The following SOX13 variants were observed in gnomAD, a reference collection of about 807,000 sequenced individuals.
The protein encoded by SOX13 is transcription factor SOX-13.
Under a neutral mutation model 71.8 loss-of-function variants are expected in SOX13, and 28 were observed. That is an observed-to-expected ratio of 0.39 (90% confidence interval 0.29 to 0.53). The LOEUF is 0.53. Among genes scored for constraint, SOX13 ranks in the 20% least tolerant of loss-of-function variants. SOX13 has a pLI of 0.70. For synonymous variants in SOX13, 309 were observed against 317.8 expected, an observed-to-expected ratio of 0.97 and a Z score of 0.29; for missense variants, 627 against 810.3, an observed-to-expected ratio of 0.77 and a Z score of 2.75.
Position 204,114,957 on chromosome 1 carries a change from T to A in SOX13, c.418+352T>A, listed in dbSNP as rs74386915. On this transcript the variant is annotated intron_variant, in intron 4 of 13. Coordinates refer to ENST00000367204, the MANE Select transcript of SOX13 (RefSeq NM_005686.3). ...TAATTAATTCTAGGTCAGTTGGACC[T>A]CACTAAGTGAGTGAAAAGTAGTTAC... Among the ~76,000 whole-genome samples, 556 of 152,116 alleles carry A rather than the reference T, an allele frequency of 3.7e-3. 6 individuals are homozygous for A. Among genetic ancestry groups the A allele is most frequent in the African/African-American group, 0.012 (514 of 41,514 alleles).
chr1:204,082,071 GGT>G lies in SOX13; in HGVS notation c.-2+8368_-2+8369del, dbSNP rs1655918914. 2.0e-5 allele frequency among the ~76,000 whole-genome samples: 3 copies of G among 151,728 alleles called. No individual in the cohort carries two copies. The South Asian group carries it at 6.3e-4, about 32-fold the overall frequency. ...CTCCTCTTTTCTTGGCTGGTGGTGG[GGT>G]GTGTGTGGGGGGGAGGGAAGCTGAG... On this transcript the variant is annotated intron_variant, in intron 1 of 13. Transcript: ENST00000367204.
At chr1:204,074,979 A>C (rs1655755132) in intron 1 of SOX13, among the ~76,000 whole-genome samples, 1 of 151,750 alleles carries the variant, frequency 6.6e-6, no homozygotes, top group Admixed American at 6.6e-5. Flanking sequence ...GGGTCTGGCC[A>C]AAGACGGCCA....
intron 1 of SOX13, among the ~76,000 whole-genome samples, chr1:204,103,612 C>T (rs989477368): frequency 2.6e-5 from 4 of 152,248 alleles, no homozygotes; most frequent in African/African-American, 9.6e-5. Context: ...GGCTATCCCC[C>T]AAGGGGCCTT....
chr1:204,117,350 C>A (rs548233775), intron 6 of SOX13, among the ~76,000 whole-genome samples, 160 bp downstream of exon 6: 1 of 152,326 alleles, frequency 6.6e-6, no homozygotes. Flanking sequence ...TAGCCCCCAA[C>A]CTGTCTTCCT....
intron 1 of SOX13, among the ~76,000 whole-genome samples, chr1:204,097,619 A>T (rs1381149139): frequency 6.7e-6 from 1 of 148,538 alleles, no homozygotes; most frequent in Non-Finnish European, 1.5e-5. Context: ...TGAACCCGGG[A>T]GGTAGAGGTT....
chr1:204,109,379 C>T (rs781002743), intron 1 of SOX13, among the ~76,000 whole-genome samples: 47 of 152,220 alleles, frequency 3.1e-4, no homozygotes, highest in Non-Finnish European at 5.3e-4. Context: ...GACAGTGGTC[C>T]TGCAAGATTC....
At chr1:204,106,207 C>T (rs1217676920) in intron 1 of SOX13, among the ~76,000 whole-genome samples, 2 of 152,186 alleles carry the variant, frequency 1.3e-5, no homozygotes, top group East Asian at 1.9e-4. Flanking sequence ...GAAATGGAAT[C>T]GCTTTGCTGC....
At chr1:204,104,667 A>C (rs1656427109) in intron 1 of SOX13, among the ~76,000 whole-genome samples, 1 of 152,130 alleles carries the variant, frequency 6.6e-6, no homozygotes, top group Non-Finnish European at 1.5e-5. Flanking sequence ...CAAGCTTGGG[A>C]GTGGGAGCCA....
chr1:204,115,343 C>A (rs1571588997), intron 4 of SOX13, among the ~76,000 whole-genome samples: 1 of 151,920 alleles, frequency 6.6e-6, no homozygotes, highest in East Asian at 1.9e-4. Flanking sequence ...TCATTGATCA[C>A]ACCCACAGAG....
At chr1:204,109,726 G>A (rs1558217858) in intron 1 of SOX13, among the ~76,000 whole-genome samples, 2 of 152,200 alleles carry the variant, frequency 1.3e-5, no homozygotes, top group Non-Finnish European at 1.5e-5. Flanking sequence ...ATACTAAAAT[G>A]TGCTGATGTT....
chr1:204,099,900 G>A (rs1342676753), intron 1 of SOX13, among the ~76,000 whole-genome samples: 1 of 152,146 alleles, frequency 6.6e-6, no homozygotes, highest in African/African-American at 2.4e-5. Flanking sequence ...TCAGCATTTT[G>A]GGAGGCCAAG....
At chr1:204,102,307 C>CCT (rs1176793283) in intron 1 of SOX13, among the ~76,000 whole-genome samples, 2 of 152,230 alleles carry the variant, frequency 1.3e-5, no homozygotes, top group African/African-American at 4.8e-5. Flanking sequence ...TCCCCACCTT[C>CCT]CTCTCCCTCT....
At chr1:204,124,576 G>A (rs559567179) in intron 12 of SOX13, 65 bp from the exon 13 acceptor site, 16 of 1,401,086 alleles carry the variant, frequency 1.1e-5, no homozygotes, top group Admixed American at 2.0e-5. Context: ...CTCAGGTCCT[G>A]CATGGGGCTG....
chr1:204,117,308 C>T, intron 6 of SOX13, 118 bp downstream of exon 6: 1 of 878,098 alleles, frequency 1.1e-6, no homozygotes, highest in Non-Finnish European at 1.9e-6. Context: ...CAGAATCACT[C>T]AGGCCTGACC....
At chr1:204,101,204 G>A (rs1483464155) in intron 1 of SOX13, among the ~76,000 whole-genome samples, 1 of 152,136 alleles carries the variant, frequency 6.6e-6, no homozygotes, top group Non-Finnish European at 1.5e-5. Flanking sequence ...TCTGGATCGT[G>A]GACCCATTTC....
chr1:204,090,395 A>ACTT (rs768196084), intron 1 of SOX13, among the ~76,000 whole-genome samples: 3,834 of 142,248 alleles, frequency 0.027, 95 homozygotes, highest in Non-Finnish European at 0.04. Context: ...CTAGCTCAAG[A>ACTT]CTTCTTCTTC....
intron 7 of SOX13, chr1:204,118,985 G>A (rs1232024603): frequency 1.3e-5 from 2 of 152,298 alleles, no homozygotes; most frequent in African/African-American, 4.8e-5. Context: ...GAGAGTTATG[G>A]GGACAGGGCA....
At chr1:204,091,893 T>C (rs1656153095) in intron 1 of SOX13, among the ~76,000 whole-genome samples, 2 of 152,214 alleles carry the variant, frequency 1.3e-5, no homozygotes, top group East Asian at 3.8e-4. Context: ...CTTTCTTAGC[T>C]TTGGCTCTTT....
intron 4 of SOX13, among the ~76,000 whole-genome samples, chr1:204,114,846 C>G (rs1656656632): frequency 6.6e-6 from 1 of 152,174 alleles, no homozygotes; most frequent in African/African-American, 2.4e-5. Flanking sequence ...AATCTGGGCT[C>G]TCACCAGGCA....
Sources: gnomAD v4.1 joint callset for allele counts (sites outside exome capture counted in the v4.1 genomes callset) on GRCh38, gnomAD v4.1.1 for gene constraint, MANE v1.5 for transcripts, NCBI Gene and HGNC (gene_info 2026-07-23, HGNC 2026-07-21) for gene names.